Variants in ENOX1 observed in about 807,000 individuals in gnomAD.
The protein encoded by ENOX1 is candidate growth-related and time keeping constitutive hydroquinone (NADH) oxidase.
Under a neutral mutation model 82.5 loss-of-function variants are expected in ENOX1, and 42 were observed. The ratio of observed to expected loss-of-function variants is 0.51; its 90% CI spans 0.40 to 0.66. The LOEUF is 0.66. Among genes scored for constraint, ENOX1 ranks in the 30% least tolerant of loss-of-function variants. ENOX1 has a pLI of 0.00. For synonymous variants in ENOX1, 271 were observed against 282.2 expected (o/e 0.96, Z 0.40); for missense variants, 608 against 811.6 (o/e 0.75, Z 3.05).
In ENOX1 at chr13:43,623,683, C is replaced by T. The variant is rs187837986; in HGVS notation, c.-219+43796G>A. Among the ~76,000 whole-genome samples, 8 of 152,250 alleles carry T rather than the reference C, an allele frequency of 5.3e-5. No homozygotes were observed. The East Asian group carries it at 1.5e-3, about 29-fold the overall frequency. On this transcript the variant is annotated intron_variant, in intron 2 of 16. Transcript: ENST00000690772. ...TTGCGGTCGATCTGGAGCTAAAATT[C>T]ACAGTGTGAGTCCCCGCACACTGCT...
intron 15 of ENOX1, among the ~76,000 whole-genome samples, chr13:43,236,079 G>A (rs2042535431): frequency 6.6e-6 from 1 of 152,194 alleles, no homozygotes; most frequent in Admixed American, 6.5e-5. Flanking sequence ...TGGATCCACT[G>A]AGGATGCTTC....
intron 5 of ENOX1, among the ~76,000 whole-genome samples, chr13:43,370,960 C>A (rs1190926898): frequency 1.3e-5 from 2 of 152,076 alleles, no homozygotes; most frequent in African/African-American, 4.8e-5. Flanking sequence ...CCTTCTCACA[C>A]CCCTGGAACT....
chr13:43,487,767 G>A (rs986945741), intron 2 of ENOX1, among the ~76,000 whole-genome samples: 1 of 152,110 alleles, frequency 6.6e-6, no homozygotes, highest in South Asian at 2.1e-4. Context: ...TTTTACTCTG[G>A]AAAGTATAAT....
intron 5 of ENOX1, among the ~76,000 whole-genome samples, chr13:43,378,925 G>A (rs1323150): frequency 0.51 from 77,394 of 151,944 alleles, 24,733 homozygotes; most frequent in Non-Finnish European, 0.72. Context: ...TTATTGATGG[G>A]GGCACAATAT....
In ENOX1 at chr13:43,534,466, G is replaced by GA. The variant is rs1016550869; in HGVS notation, c.-218-50315dup. Among the ~76,000 whole-genome samples, 26 of 151,438 alleles carry GA rather than the reference G, an allele frequency of 1.7e-4. No homozygotes were observed. In the East Asian group the frequency reaches 2.5e-3, roughly 15 times the overall value. On this transcript the variant is annotated intron_variant, in intron 2 of 16. Coordinates refer to ENST00000690772, the MANE Select transcript of ENOX1 (RefSeq NM_001347969.2). Reference sequence around the variant, plus strand: ...CCTTCTCTCACTCCTATGAAAAAAGGAAAAAAAACAACTGTTCGCTACCCC... The same window carrying GA: ...CCTTCTCTCACTCCTATGAAAAAAGGAAAAAAAAACAACTGTTCGCTACCCC...
intron 2 of ENOX1, among the ~76,000 whole-genome samples, chr13:43,571,730 A>ACTGAGCCCCCAGTTACAGGC (rs2080190299): frequency 2.0e-5 from 3 of 152,016 alleles, no homozygotes; most frequent in Non-Finnish European, 4.4e-5. Flanking sequence ...CAAACCTTAA[A>ACTGAGCCCCCAGTTACAGGC]ATTACACTTC....
intron 5 of ENOX1, among the ~76,000 whole-genome samples, chr13:43,369,590 CAGA>C (rs1362222419): frequency 2.0e-5 from 3 of 152,178 alleles, no homozygotes; most frequent in East Asian, 1.9e-4. Flanking sequence ...TGTCTGTCTG[CAGA>C]AGGATACTCT....
chr13:43,236,756 A>C lies in ENOX1; in HGVS notation c.1612-18T>G, dbSNP rs756350881. 15 of 1,480,624 alleles carry C rather than the reference A, an allele frequency of 1.0e-5. No homozygotes were observed. Among genetic ancestry groups the C allele is most frequent in the Non-Finnish European group, 1.4e-5 (15 of 1,094,568 alleles). 91.7% of individuals were successfully genotyped at this position (1,480,624 alleles called of 1,614,324 possible). Reference sequence around the variant, plus strand: ...TTGATTTCCTATAAAGTTAAAAGCCAAAAACCATATATGGGTTTATGTAGA... The same window carrying C: ...TTGATTTCCTATAAAGTTAAAAGCCCAAAACCATATATGGGTTTATGTAGA... On this transcript the variant is annotated intron_variant, in intron 14 of 16. Coordinates refer to ENST00000690772, the MANE Select transcript of ENOX1 (RefSeq NM_001347969.2).
At chr13:43,653,786 C>A (rs1278072664) in intron 2 of ENOX1, among the ~76,000 whole-genome samples, 7 of 152,074 alleles carry the variant, frequency 4.6e-5, no homozygotes, top group Admixed American at 2.0e-4. Flanking sequence ...GCAAAGAAGA[C>A]AAGACCATTT....
chr13:43,451,948 G>C (rs771695486), intron 3 of ENOX1, among the ~76,000 whole-genome samples: 1 of 152,142 alleles, frequency 6.6e-6, no homozygotes, highest in Admixed American at 6.5e-5. Context: ...GAGAAAAAGG[G>C]GAGAGCAGAC....
intron 1 of ENOX1, among the ~76,000 whole-genome samples, chr13:43,783,145 A>G (rs1002701180): frequency 2.6e-5 from 4 of 152,230 alleles, no homozygotes; most frequent in Admixed American, 2.6e-4. Context: ...ATAAGAGATT[A>G]TTAAAGACTG....
At chr13:43,583,189 G>T (rs1334575344) in intron 2 of ENOX1, among the ~76,000 whole-genome samples, 1 of 152,168 alleles carries the variant, frequency 6.6e-6, no homozygotes, top group Non-Finnish European at 1.5e-5. Flanking sequence ...AAACTTGACA[G>T]ATTGTACCAA....
rs542145490 is a variant in ENOX1, at chr13:43,680,429, A to G, written c.-284-12885T>C. Among the ~76,000 whole-genome samples, 23 of 152,286 alleles carry G rather than the reference A, an allele frequency of 1.5e-4. 1 individual carries two copies. In the South Asian group the frequency reaches 3.1e-3, roughly 21 times the overall value. ...GTTCCTTCAGTTCAATTCAAAGTATACCTTCCTCAAGCACTATACCAATTC... is the reference window on the plus strand; with the variant it reads ...GTTCCTTCAGTTCAATTCAAAGTATGCCTTCCTCAAGCACTATACCAATTC... On this transcript the variant is annotated intron_variant, in intron 1 of 16. Coordinates refer to ENST00000690772, the MANE Select transcript of ENOX1 (RefSeq NM_001347969.2).
At chr13:43,266,554 T>C (rs2044382706) in intron 13 of ENOX1, among the ~76,000 whole-genome samples, 1 of 152,150 alleles carries the variant, frequency 6.6e-6, no homozygotes, top group Non-Finnish European at 1.5e-5. Context: ...CTCATTTCCA[T>C]ATCACTCCCA....
chr13:43,286,448 C>G (rs1555306799), intron 12 of ENOX1, among the ~76,000 whole-genome samples: 1 of 152,110 alleles, frequency 6.6e-6, no homozygotes, highest in Admixed American at 6.5e-5. Flanking sequence ...AGGAGAGTTC[C>G]TTTATCCTGG....
chr13:43,637,337 T>C (rs2083451778), intron 2 of ENOX1, among the ~76,000 whole-genome samples: 1 of 152,182 alleles, frequency 6.6e-6, no homozygotes, highest in Non-Finnish European at 1.5e-5. Context: ...TTCCTTCTCT[T>C]TGGTTAGAAA....
intron 14 of ENOX1, among the ~76,000 whole-genome samples, chr13:43,239,593 C>G (rs9533434): frequency 0.22 from 33,327 of 152,146 alleles, 3,871 homozygotes; most frequent in South Asian, 0.42. Context: ...AGTGGACCAA[C>G]TTGTGACCAC....
At chr13:43,482,292 GATT>G (rs1251645658) in intron 3 of ENOX1, among the ~76,000 whole-genome samples, 1 of 152,146 alleles carries the variant, frequency 6.6e-6, no homozygotes, top group African/African-American at 2.4e-5. Flanking sequence ...TAGAACAGAA[GATT>G]ATTAAGCCTA....
chr13:43,661,123 A>G lies in ENOX1; in HGVS notation c.-219+6356T>C, dbSNP rs528076676. On this transcript the variant is annotated intron_variant, in intron 2 of 16. Transcript: ENST00000690772. ...ATACCATTATTACTTAAATAACTTC[A>G]GGTAAAACAACTTTGTTTATTGTGC... is the stretch of plus-strand genomic sequence containing the variant. 9.0e-4 allele frequency among the ~76,000 whole-genome samples: 137 copies of G among 152,370 alleles called. No homozygotes were observed. In the Middle Eastern group the frequency reaches 0.017, roughly 19 times the overall value.
Sources: gnomAD v4.1 joint callset for allele counts (sites outside exome capture counted in the v4.1 genomes callset) on GRCh38, gnomAD v4.1.1 for gene constraint, MANE v1.5 for transcripts, NCBI Gene and HGNC (gene_info 2026-07-23, HGNC 2026-07-21) for gene names.